KCNQ3: variants seen among roughly 807,000 people sequenced by gnomAD.
KCNQ3 encodes the protein potassium voltage-gated channel subfamily KQT member 3.
A neutral mutation model predicts 92.5 loss-of-function variants in KCNQ3; 30 were observed. The ratio of observed to expected loss-of-function variants is 0.32; its 90% CI spans 0.24 to 0.44. The LOEUF (loss-of-function observed/expected upper bound fraction) is 0.44, where lower values mean the gene tolerates loss of function less well. KCNQ3 is among the 20% of genes least tolerant of loss of function. KCNQ3 has a pLI of 1.00. For missense variants in KCNQ3, 913 were observed against 1,140.3 expected, an observed-to-expected ratio of 0.80 and a Z score of 2.87; for synonymous variants, 450 against 468.8, an observed-to-expected ratio of 0.96 and a Z score of 0.52.
chr8:132,245,461 T>A (rs11787044), intron 1 of KCNQ3, among the ~76,000 whole-genome samples: 3 of 151,954 alleles, frequency 2.0e-5, no homozygotes, highest in Non-Finnish European at 4.4e-5. Context: ...TCCATGCATC[T>A]AATGTGTTTA....
chr8:132,152,133 A>G (rs1403436583), intron 9 of KCNQ3, among the ~76,000 whole-genome samples: 1 of 152,150 alleles, frequency 6.6e-6, no homozygotes, highest in Admixed American at 6.5e-5. Flanking sequence ...TTTGGCAGAC[A>G]CTCTCAAATA....
intron 1 of KCNQ3, among the ~76,000 whole-genome samples, chr8:132,246,256 T>C (rs950030493): frequency 2.0e-5 from 3 of 152,122 alleles, no homozygotes; most frequent in Non-Finnish European, 4.4e-5. Context: ...AGGAAATAAA[T>C]AAATAATTGC....
chr8:132,130,127 G>C (rs1824833091), intron 14 of KCNQ3, 131 bp from the exon 15 acceptor site: 7 of 1,110,554 alleles, frequency 6.3e-6, no homozygotes, highest in African/African-American at 1.7e-5. Flanking sequence ...CTGTCACCCA[G>C]GCTGGAGTGC....
chr8:132,146,293 C>T (rs759105305), intron 9 of KCNQ3, among the ~76,000 whole-genome samples: 10 of 152,198 alleles, frequency 6.6e-5, no homozygotes, highest in Non-Finnish European at 1.2e-4. Flanking sequence ...AACGGGATAC[C>T]ATTTGGTATT....
chr8:132,443,686 A>G (rs966456447), intron 1 of KCNQ3, among the ~76,000 whole-genome samples: 3 of 152,102 alleles, frequency 2.0e-5, no homozygotes, highest in Non-Finnish European at 4.4e-5. Flanking sequence ...ACTGGGGTAG[A>G]TGTTTTTTGT....
At chr8:132,358,683 C>G (rs1016437464) in intron 1 of KCNQ3, among the ~76,000 whole-genome samples, 2 of 126,344 alleles carry the variant, frequency 1.6e-5, no homozygotes, top group African/African-American at 7.1e-5. Context: ...CAGCACTTCA[C>G]GTGGAATTCA....
chr8:132,173,398 T>G (rs188932442), intron 6 of KCNQ3, among the ~76,000 whole-genome samples: 2 of 152,042 alleles, frequency 1.3e-5, no homozygotes, highest in African/African-American at 4.8e-5. Flanking sequence ...ACATCACCAA[T>G]GAAAGAATGG....
intron 2 of KCNQ3, among the ~76,000 whole-genome samples, 153 bp from the exon 3 acceptor site, chr8:132,184,520 G>C (rs1325131499): frequency 6.6e-6 from 1 of 152,128 alleles, no homozygotes; most frequent in Non-Finnish European, 1.5e-5. Flanking sequence ...GTGGGGAAGG[G>C]GAACCGGGAG....
At chr8:132,184,929 A>G (rs1270897182) in intron 2 of KCNQ3, among the ~76,000 whole-genome samples, 2 of 152,196 alleles carry the variant, frequency 1.3e-5, no homozygotes, top group African/African-American at 4.8e-5. Flanking sequence ...AGAAGAAGGG[A>G]TCTCAGGCTC....
At chr8:132,368,166 C>G (rs1413066672) in intron 1 of KCNQ3, among the ~76,000 whole-genome samples, 2 of 152,150 alleles carry the variant, frequency 1.3e-5, no homozygotes, top group Non-Finnish European at 2.9e-5. Flanking sequence ...ATAAACATCA[C>G]AGTAAAACAA....
At chr8:132,454,906 G>C (rs748349709) in intron 1 of KCNQ3, among the ~76,000 whole-genome samples, 21 of 152,166 alleles carry the variant, frequency 1.4e-4, no homozygotes, top group African/African-American at 4.8e-4. Flanking sequence ...AGGACATTAT[G>C]CTAAGCCAGT....
At chr8:132,222,227 A>T (rs1227164384) in intron 1 of KCNQ3, among the ~76,000 whole-genome samples, 2 of 152,216 alleles carry the variant, frequency 1.3e-5, no homozygotes, top group Non-Finnish European at 2.9e-5. Flanking sequence ...TGATGAGGTA[A>T]ATCCGTCTCT....
At chr8:132,209,799 C>T (rs1015671544) in intron 1 of KCNQ3, among the ~76,000 whole-genome samples, 2 of 152,066 alleles carry the variant, frequency 1.3e-5, no homozygotes, top group African/African-American at 4.8e-5. Context: ...CTATGATGTT[C>T]AGTAGTTCAG....
chr8:132,244,940 A>G (rs1586860044), intron 1 of KCNQ3, among the ~76,000 whole-genome samples: 1 of 148,448 alleles, frequency 6.7e-6, no homozygotes, highest in East Asian at 2.0e-4. Context: ...AAAAAAAAAA[A>G]GATGAAAAAG....
At chr8:132,344,393 AC>A (rs1818620356) in intron 1 of KCNQ3, among the ~76,000 whole-genome samples, 1 of 152,222 alleles carries the variant, frequency 6.6e-6, no homozygotes, top group African/African-American at 2.4e-5. Flanking sequence ...GAAACTGCAC[AC>A]CTTCCTTCCC....
intron 1 of KCNQ3, among the ~76,000 whole-genome samples, chr8:132,257,589 AT>A: frequency 6.6e-6 from 1 of 152,024 alleles, no homozygotes; most frequent in African/African-American, 2.4e-5. Flanking sequence ...ACTAAAAAAA[AT>A]ACAAAAATTA....
chr8:132,348,141 A>T (rs1335720532), intron 1 of KCNQ3, among the ~76,000 whole-genome samples: 1 of 152,072 alleles, frequency 6.6e-6, no homozygotes, highest in Non-Finnish European at 1.5e-5. Context: ...GAAGACTGTG[A>T]TCTGCTCCTA....
At chr8:132,254,892 T>TA (rs1437507667) in intron 1 of KCNQ3, among the ~76,000 whole-genome samples, 2 of 152,044 alleles carry the variant, frequency 1.3e-5, no homozygotes, top group African/African-American at 4.8e-5. Flanking sequence ...TAATAATTAA[T>TA]AAAAAAGACT....
At chr8:132,171,515 G>A (rs1826350755) in intron 7 of KCNQ3, among the ~76,000 whole-genome samples, 1 of 152,146 alleles carries the variant, frequency 6.6e-6, no homozygotes, top group South Asian at 2.1e-4. Context: ...ACCTCTCACT[G>A]CTCCCTGCAA....
Sources: gnomAD v4.1 joint callset for allele counts (sites outside exome capture counted in the v4.1 genomes callset) on GRCh38, gnomAD v4.1.1 for gene constraint, MANE v1.5 for transcripts, NCBI Gene and HGNC (gene_info 2026-07-23, HGNC 2026-07-21) for gene names.